Variants in DPYS observed in about 807,000 individuals in gnomAD.
The protein encoded by DPYS is dihydropyrimidinase, also known as dihydropyrimidine amidohydrolase.
In DPYS, 39 loss-of-function variants were observed where a neutral mutation model predicts 50.3. That is an observed-to-expected ratio of 0.78 (90% CI 0.60 to 1.01). DPYS has a LOEUF of 1.01. Ranked by LOEUF, DPYS falls within the 50% of genes least tolerant of loss-of-function variation. The pLI, the probability that DPYS is intolerant of heterozygous loss-of-function variation, is 0.00. For missense variants in DPYS, 659 were observed against 680.9 expected (o/e 0.97, Z 0.36); for synonymous variants, 245 against 250.7 (o/e 0.98, Z 0.22).
intron 1 of DPYS, among the ~76,000 whole-genome samples, chr8:104,455,177 T>C (rs1813882246): frequency 6.6e-6 from 1 of 152,142 alleles, no homozygotes; most frequent in Non-Finnish European, 1.5e-5. Flanking sequence ...CGTCAATAAC[T>C]TGGCCAAAGT....
chr8:104,386,424 T>C (rs1811214468), intron 8 of DPYS, among the ~76,000 whole-genome samples: 1 of 151,658 alleles, frequency 6.6e-6, no homozygotes, highest in South Asian at 2.1e-4. Flanking sequence ...TCCCAGCTAC[T>C]TGGGAGGCTG....
At chr8:104,451,529 G>T in intron 1 of DPYS, 125 bp from the exon 2 acceptor site, 1 of 1,158,216 alleles carries the variant, frequency 8.6e-7, no homozygotes. Flanking sequence ...ATTGCAAAAA[G>T]ATGCTGCCTG....
intron 4 of DPYS, among the ~76,000 whole-genome samples, chr8:104,435,665 C>G (rs557126430): frequency 7.2e-5 from 11 of 152,052 alleles, no homozygotes; most frequent in African/African-American, 2.7e-4. Flanking sequence ...CTGTAACCTG[C>G]TTTTCACTTT....
intron 1 of DPYS, among the ~76,000 whole-genome samples, chr8:104,453,561 G>A (rs778221129): frequency 1.3e-4 from 20 of 152,132 alleles, no homozygotes; most frequent in Admixed American, 2.0e-4. Flanking sequence ...TCTACCACAC[G>A]CAGGATGTGG....
intron 4 of DPYS, among the ~76,000 whole-genome samples, chr8:104,435,402 T>C (rs1191052762): frequency 6.6e-6 from 1 of 152,038 alleles, no homozygotes; most frequent in Admixed American, 6.5e-5. Flanking sequence ...CCGGATTCCC[T>C]TGCCTCATCT....
intron 8 of DPYS, among the ~76,000 whole-genome samples, chr8:104,391,279 G>C (rs1482042401): frequency 6.6e-6 from 1 of 152,144 alleles, no homozygotes; most frequent in Non-Finnish European, 1.5e-5. Flanking sequence ...AAAACAGCCA[G>C]AGAGCTCTGG....
At chr8:104,428,204 C>T in intron 5 of DPYS, 83 bp from the exon 6 acceptor site, 1 of 1,575,590 alleles carries the variant, frequency 6.3e-7, no homozygotes, top group South Asian at 1.1e-5. Flanking sequence ...TCCTAATCTC[C>T]TGGCTCCCTT....
intron 7 of DPYS, among the ~76,000 whole-genome samples, chr8:104,418,441 A>C (rs556521585): frequency 2.5e-4 from 38 of 152,306 alleles, no homozygotes; most frequent in Admixed American, 4.6e-4. Context: ...AGAAAAAAAA[A>C]CCGTATAGAT....
chr8:104,424,809 G>A (rs1245798885), intron 6 of DPYS, among the ~76,000 whole-genome samples: 8 of 149,926 alleles, frequency 5.3e-5, no homozygotes, highest in African/African-American at 7.4e-5. Context: ...ATTATAGAGT[G>A]AGAATAGGTG....
At chr8:104,443,824 C>T (rs1320845248) in intron 4 of DPYS, among the ~76,000 whole-genome samples, 7 of 152,048 alleles carry the variant, frequency 4.6e-5, no homozygotes, top group Admixed American at 1.3e-4. Context: ...ACCCAGAAGG[C>T]GGAGGTTGCA....
chr8:104,435,619 A>G (rs887376117), intron 4 of DPYS, among the ~76,000 whole-genome samples: 5 of 152,110 alleles, frequency 3.3e-5, no homozygotes, highest in African/African-American at 1.2e-4. Context: ...AGGTGACACC[A>G]CTTTTGATGG....
intron 7 of DPYS, among the ~76,000 whole-genome samples, chr8:104,396,443 T>C (rs1157026167): frequency 6.6e-6 from 1 of 152,216 alleles, no homozygotes; most frequent in African/African-American, 2.4e-5. Flanking sequence ...TATACACAAA[T>C]ATTGTCATTA....
At chr8:104,451,211 GA>G in intron 2 of DPYS, 34 bp downstream of exon 2, 1 of 1,612,576 alleles carries the variant, frequency 6.2e-7, no homozygotes, top group Non-Finnish European at 8.5e-7. Context: ...AGGACAAGAG[GA>G]CAATGGGAAC....
intron 2 of DPYS, among the ~76,000 whole-genome samples, chr8:104,450,840 A>G (rs60834862): frequency 6.6e-6 from 1 of 152,168 alleles, no homozygotes; most frequent in East Asian, 1.9e-4. Flanking sequence ...CCTTGATTTT[A>G]TTTTTGAGAA....
At chr8:104,466,544 G>A in intron 1 of DPYS, 113 bp downstream of exon 1, 1 of 1,233,086 alleles carries the variant, frequency 8.1e-7, no homozygotes, top group Non-Finnish European at 1.1e-6. Context: ...CGCCCACCCA[G>A]CTCCTCGGCG....
chr8:104,384,761 A>C (rs1811159159), intron 8 of DPYS, among the ~76,000 whole-genome samples: 1 of 152,218 alleles, frequency 6.6e-6, no homozygotes, highest in Non-Finnish European at 1.5e-5. Flanking sequence ...AAGCATACCT[A>C]ATTCTTACAG....
chr8:104,408,963 G>C lies in DPYS; in HGVS notation c.1235+15284C>G, dbSNP rs890640136. On this transcript the variant is annotated intron_variant, in intron 7 of 9. Coordinates refer to ENST00000351513, the MANE Select transcript of DPYS (RefSeq NM_001385.3). The stretch of plus-strand genomic sequence containing the variant: ...CAGGTAGCTCGGATTACAGGCGCCG[G>C]CCACCACTCTCAGCTAATTTTTGTA... 2.0e-5 allele frequency among the ~76,000 whole-genome samples: 3 copies of C among 151,726 alleles called. No homozygotes were observed. The South Asian group carries it at 6.3e-4, about 32-fold the overall frequency.
At chr8:104,398,024 C>A (rs1207568343) in intron 7 of DPYS, among the ~76,000 whole-genome samples, 1 of 152,254 alleles carries the variant, frequency 6.6e-6, no homozygotes, top group Non-Finnish European at 1.5e-5. Flanking sequence ...ATTATTGGAA[C>A]AAACGCAAGT....
intron 4 of DPYS, among the ~76,000 whole-genome samples, chr8:104,441,059 T>G (rs903160600): frequency 6.6e-6 from 1 of 152,122 alleles, no homozygotes; most frequent in African/African-American, 2.4e-5. Context: ...CGCTTCCTCT[T>G]TGGGCCCCTG....
Sources: gnomAD v4.1 joint callset for allele counts (sites outside exome capture counted in the v4.1 genomes callset) on GRCh38, gnomAD v4.1.1 for gene constraint, MANE v1.5 for transcripts, NCBI Gene and HGNC (gene_info 2026-07-23, HGNC 2026-07-21) for gene names.